Variants in JAK2 observed in about 807,000 individuals in gnomAD.
JAK2 encodes tyrosine-protein kinase JAK2.
In JAK2, 86 loss-of-function variants were observed where a neutral mutation model predicts 139.3. That is an observed-to-expected ratio of 0.62 (90% CI 0.52 to 0.74). The LOEUF (loss-of-function observed/expected upper bound fraction) is 0.74. Among genes scored for constraint, JAK2 ranks in the 30% least tolerant of loss-of-function variants. The pLI is 0.00. For missense variants in JAK2, 1,421 were observed against 1,360.3 expected (o/e 1.04, Z -0.70); for synonymous variants, 490 against 437.7 (o/e 1.12, Z -1.49).
rs185206341 is a variant in JAK2 at position 4,989,923 on chromosome 9, G to C, written c.-26+3901G>C. ...AGAATGTACTTTGACCTGTAGATAT[G>C]GAGAAGCTTTAAAAGTTTTGAATTG... On this transcript the variant is annotated intron_variant, in intron 2 of 24. Transcript: ENST00000381652. Among the ~76,000 whole-genome samples the C allele has an allele frequency of 6.6e-5, 10 of 152,272 alleles. No individual in the cohort carries two copies. In the East Asian group the frequency reaches 1.9e-3, roughly 29 times the overall value.
chr9:4,988,060 AC>A (rs1820062654), intron 2 of JAK2, among the ~76,000 whole-genome samples: 1 of 151,910 alleles, frequency 6.6e-6, no homozygotes, highest in Non-Finnish European at 1.5e-5. Flanking sequence ...CTCTGCTTAA[AC>A]CCCCATTGTG....
chr9:5,051,494 C>T (rs1320272002), intron 6 of JAK2, among the ~76,000 whole-genome samples: 1 of 152,064 alleles, frequency 6.6e-6, no homozygotes, highest in Non-Finnish European at 1.5e-5. Flanking sequence ...TTCAGTAAAT[C>T]TGAGTTGAAG....
At chr9:5,025,153 T>C (rs1292815820) in intron 3 of JAK2, among the ~76,000 whole-genome samples, 2 of 152,182 alleles carry the variant, frequency 1.3e-5, no homozygotes, top group Non-Finnish European at 2.9e-5. Flanking sequence ...TTTTTTCCTG[T>C]TTCTGGGAGA....
chr9:5,047,377 CA>C (rs1413710264), intron 5 of JAK2, among the ~76,000 whole-genome samples: 2 of 152,148 alleles, frequency 1.3e-5, no homozygotes, highest in African/African-American at 2.4e-5. Context: ...AAATAAAAAT[CA>C]AAAGTAAGAT....
In JAK2 at chr9:5,105,620, C is replaced by T. The variant is rs985279473; in HGVS notation, c.3059+14709C>T. Among the ~76,000 whole-genome samples, 4 of 152,222 alleles carry T rather than the reference C, an allele frequency of 2.6e-5. No individual in the cohort carries two copies. The East Asian group carries it at 7.7e-4, about 29-fold the overall frequency. On this transcript the variant is annotated intron_variant, in intron 22 of 24. Transcript: ENST00000381652. Reference sequence around the variant, plus strand: ...CTGCATTGCCAAGACCATCCTAAGCCAAAAGAACAAAGCTGGAGGCATCAC... The same window carrying T: ...CTGCATTGCCAAGACCATCCTAAGCTAAAAGAACAAAGCTGGAGGCATCAC...
intron 2 of JAK2, among the ~76,000 whole-genome samples, chr9:5,004,222 C>T (rs1312687362): frequency 1.3e-5 from 2 of 152,106 alleles, no homozygotes; most frequent in Non-Finnish European, 2.9e-5. Flanking sequence ...CAATAGATCT[C>T]TTCAGTTTAC....
chr9:5,006,352 C>T (rs944959394), intron 2 of JAK2, among the ~76,000 whole-genome samples: 7 of 152,126 alleles, frequency 4.6e-5, no homozygotes, highest in African/African-American at 7.2e-5. Context: ...TATGCTGAGA[C>T]TTTGCTGAAG....
At chr9:5,013,246 G>A (rs996063742) in intron 2 of JAK2, among the ~76,000 whole-genome samples, 1 of 152,026 alleles carries the variant, frequency 6.6e-6, no homozygotes, top group African/African-American at 2.4e-5. Flanking sequence ...GTGGTCTTTA[G>A]AGTACAATAC....
intron 2 of JAK2, among the ~76,000 whole-genome samples, chr9:4,990,719 A>G (rs1820193484): frequency 6.6e-6 from 1 of 152,220 alleles, no homozygotes; most frequent in Non-Finnish European, 1.5e-5. Flanking sequence ...GGTCTTAAAA[A>G]GATGTATTCG....
chr9:4,991,597 A>C (rs906926379), intron 2 of JAK2, among the ~76,000 whole-genome samples: 1 of 152,180 alleles, frequency 6.6e-6, no homozygotes, highest in Non-Finnish European at 1.5e-5. Flanking sequence ...GAAAATTTAA[A>C]AAGGTGGGAT....
At chr9:5,103,500 TAGAC>T (rs1349952360) in intron 22 of JAK2, among the ~76,000 whole-genome samples, 7 of 151,982 alleles carry the variant, frequency 4.6e-5, no homozygotes, top group African/African-American at 1.2e-4. Context: ...CTGTCAATAA[TAGAC>T]AGATCAATGA....
At chr9:5,058,488 C>G (rs1020778582) in intron 8 of JAK2, among the ~76,000 whole-genome samples, 7 of 152,162 alleles carry the variant, frequency 4.6e-5, no homozygotes, top group African/African-American at 1.4e-4. Context: ...TCACCTCCCA[C>G]CATGTCCCTC....
At chr9:5,041,114 C>A (rs1287898625) in intron 4 of JAK2, 3 of 839,534 alleles carry the variant, frequency 3.6e-6, no homozygotes. Flanking sequence ...GACCTTCACG[C>A]CCAAGACGGT....
At position 5,044,404 on chromosome 9, in the gene JAK2, T is replaced by C; in HGVS notation, c.352T>C (p.Phe118Leu). The C allele has an allele frequency of 6.2e-7, 1 of 1,601,244 alleles. No homozygotes were observed. Among genetic ancestry groups the C allele is most frequent in the Non-Finnish European group, 8.6e-7 (1 of 1,169,034 alleles). ...TRHNVLYRIR[F>L]YFPRWYCSGS... is the part of the protein sequence containing the mutation. ...CCAAATGTTTTTATTATCTTGTAGA[T>C]TTTACTTTCCTCGTTGGTATTGCAG... Residue 118 changes from phenylalanine (F) to leucine (L), a missense_variant and splice_region_variant, in exon 5 of 25, where the codon TTT becomes CTT. By Grantham distance (22) the Phe-to-Leu change is conservative (BLOSUM62 0). Coordinates refer to ENST00000381652, the MANE Select transcript of JAK2 (RefSeq NM_004972.4).
chr9:5,068,912 G>A (rs776437140), intron 10 of JAK2, 110 bp from the exon 11 acceptor site: 6 of 642,912 alleles, frequency 9.3e-6, no homozygotes, highest in Non-Finnish European at 1.6e-5. Flanking sequence ...CGGATTCATG[G>A]TTCAAATGTT....
chr9:5,022,110 G>T lies in JAK2; in HGVS notation c.123G>T (p.Val41=), dbSNP rs776336648. ...SMKQIDPVLQ[V]YLYHSLGKSE... is the part of the protein sequence containing the mutation. ...AGCAAATAGATCCAGTTCTTCAGGT[G>T]TATCTTTACCATTCCCTTGGGAAAT... The change falls in exon 3 of 25, where the codon GTG becomes GTT. Residue 41 remains valine (V), a synonymous_variant. Transcript: ENST00000381652. The T allele has an allele frequency of 1.2e-6, 2 of 1,613,950 alleles. No individual in the cohort carries two copies. The highest frequency in any genetic ancestry group is 1.7e-6 in the Non-Finnish European group (2 of 1,179,826).
In JAK2 at chr9:5,078,371, C is replaced by G. The variant is rs2130590671; in HGVS notation, c.2058C>G (p.Asp686Glu). ...ATATTCTGCTTATCAGAGAAGAAGACAGGAAGACAGGAAATCCTCCTTTCA... is the reference window on the plus strand; with the variant it reads ...ATATTCTGCTTATCAGAGAAGAAGAGAGGAAGACAGGAAATCCTCCTTTCA... ...AKNILLIREE[D>E]RKTGNPPFIK... Residue 686 changes from aspartate (D) to glutamate (E), a missense_variant, in exon 16 of 25, where the codon GAC becomes GAG. Asp to Glu is a conservative substitution (Grantham distance 45). Transcript: ENST00000381652. 6.2e-7 allele frequency: 1 copy of G among 1,612,134 alleles called. No homozygotes were observed. The highest frequency in any genetic ancestry group is 8.5e-7 in the Non-Finnish European group (1 of 1,178,470).
intron 2 of JAK2, among the ~76,000 whole-genome samples, chr9:4,997,223 G>A (rs1032554713): frequency 4.6e-5 from 7 of 151,988 alleles, no homozygotes; most frequent in Non-Finnish European, 7.4e-5. Context: ...TGGAGCCACC[G>A]CGCATGGCCT....
chr9:5,105,356 G>A (rs1049867038), intron 22 of JAK2, among the ~76,000 whole-genome samples: 1 of 152,146 alleles, frequency 6.6e-6, no homozygotes. Flanking sequence ...CAAGAGATGC[G>A]AAGGACCTCT....
Sources: gnomAD v4.1 joint callset for allele counts (sites outside exome capture counted in the v4.1 genomes callset) on GRCh38, gnomAD v4.1.1 for gene constraint, MANE v1.5 for transcripts, NCBI Gene and HGNC (gene_info 2026-07-23, HGNC 2026-07-21) for gene names.